RPTOR: variants seen among roughly 807,000 people sequenced by gnomAD.
RPTOR encodes the protein regulatory associated protein of MTOR complex 1.
A neutral mutation model predicts 169.9 loss-of-function variants in RPTOR; 21 were observed. The observed-to-expected ratio is 0.12, with a 90% CI of 0.09 to 0.18. The LOEUF is 0.18. RPTOR is among the 10% of genes least tolerant of loss of function. The probability of loss-of-function intolerance (pLI) is 1.00; values close to 1 mark genes in which losing one functional copy is unlikely to be tolerated. For synonymous variants in RPTOR, 732 were observed against 753.2 expected (o/e 0.97, Z 0.46); for missense variants, 1,133 against 1,855.9 (o/e 0.61, Z 7.16).
chr17:80,579,414 A>G (rs1035418333), intron 1 of RPTOR, among the ~76,000 whole-genome samples: 1 of 151,844 alleles, frequency 6.6e-6, no homozygotes, highest in Non-Finnish European at 1.5e-5. Context: ...CTGGTTTCGA[A>G]CTCCCGACCT....
intron 1 of RPTOR, among the ~76,000 whole-genome samples, chr17:80,547,332 G>A (rs1332760618): frequency 3.3e-5 from 5 of 152,074 alleles, no homozygotes; most frequent in Admixed American, 2.6e-4. Context: ...CTTTGTGGAG[G>A]GCAGTTTTTT....
At chr17:80,859,159 C>T (rs933084094) in intron 13 of RPTOR, among the ~76,000 whole-genome samples, 10 of 152,206 alleles carry the variant, frequency 6.6e-5, no homozygotes, top group Non-Finnish European at 1.2e-4. Flanking sequence ...GGCCTAGGAG[C>T]AGGGCTGGCC....
intron 3 of RPTOR, among the ~76,000 whole-genome samples, chr17:80,652,804 C>T (rs1024263114): frequency 6.6e-6 from 1 of 152,230 alleles, no homozygotes; most frequent in Non-Finnish European, 1.5e-5. Flanking sequence ...CCCTGAGGCA[C>T]TCCCAATCTA....
At chr17:80,724,937 A>G (rs1487336173) in intron 4 of RPTOR, among the ~76,000 whole-genome samples, 2 of 152,200 alleles carry the variant, frequency 1.3e-5, no homozygotes, top group African/African-American at 4.8e-5. Flanking sequence ...TCTTCCTGCC[A>G]TGCCTTGCCA....
At chr17:80,771,202 G>A (rs566282116) in intron 6 of RPTOR, among the ~76,000 whole-genome samples, 10 of 152,274 alleles carry the variant, frequency 6.6e-5, no homozygotes, top group East Asian at 1.9e-4. Flanking sequence ...GCACTTGGAC[G>A]TATGTTCTCC....
rs1598431303 is a variant in RPTOR at position 80,965,873 on chromosome 17, A to G, written c.*1543A>G. On this transcript the variant is annotated 3_prime_UTR_variant, in exon 34 of 34. Transcript: ENST00000306801. ...CCACCAGAAGAAGGTTCCGGCACGA[A>G]TCCCATCCCCACGTCTGGGCCGAGA... 3 of 233,254 alleles carry G rather than the reference A, an allele frequency of 1.3e-5. No homozygotes were observed. Among genetic ancestry groups the G allele is most frequent in the African/African-American group, 6.6e-5 (3 of 45,340 alleles). 14.4% of individuals were successfully genotyped at this position (233,254 alleles called of 1,614,324 possible).
intron 9 of RPTOR, among the ~76,000 whole-genome samples, chr17:80,834,074 T>C (rs1303138874): frequency 1.3e-5 from 2 of 152,192 alleles, no homozygotes; most frequent in African/African-American, 4.8e-5. Flanking sequence ...AATAAATAAA[T>C]AAATAAACCA....
intron 1 of RPTOR, among the ~76,000 whole-genome samples, chr17:80,614,275 C>T (rs888470952): frequency 2.0e-5 from 3 of 152,188 alleles, no homozygotes; most frequent in African/African-American, 7.2e-5. Context: ...GGGGGCCTGT[C>T]CTCAGTGTTT....
rs1346052816 is a variant in RPTOR, at chr17:80,919,280, C to A, written c.2521-3444C>A. On this transcript the variant is annotated intron_variant, in intron 21 of 33. Coordinates refer to ENST00000306801, the MANE Select transcript of RPTOR (RefSeq NM_020761.3). ...GCAGCACACGCTTTTGCAGGGGTTT[C>A]TTCTCCCCCACCAAGCAGCCAGCGG... Among the ~76,000 whole-genome samples, 11 of 152,286 alleles carry A rather than the reference C, an allele frequency of 7.2e-5. No individual in the cohort carries two copies. In the South Asian group the frequency reaches 1.9e-3, roughly 26 times the overall value.
At chr17:80,703,030 C>A (rs1411956544) in intron 3 of RPTOR, among the ~76,000 whole-genome samples, 1 of 152,198 alleles carries the variant, frequency 6.6e-6, no homozygotes, top group Non-Finnish European at 1.5e-5. Context: ...GAACCCAGCC[C>A]CTGCAGATCG....
intron 2 of RPTOR, among the ~76,000 whole-genome samples, chr17:80,634,837 C>G (rs1027508983): frequency 1.6e-5 from 2 of 125,976 alleles, no homozygotes; most frequent in African/African-American, 3.2e-5. Context: ...TGTGTGTGTG[C>G]ATACCGTGTG....
chr17:80,782,044 G>A (rs537752981), intron 6 of RPTOR, among the ~76,000 whole-genome samples: 22 of 152,226 alleles, frequency 1.4e-4, no homozygotes, highest in African/African-American at 5.3e-4. Context: ...TGATCTGCGC[G>A]AGGCGGCCCT....
intron 10 of RPTOR, among the ~76,000 whole-genome samples, chr17:80,839,119 T>G (rs1256537308): frequency 6.6e-6 from 1 of 152,148 alleles, no homozygotes; most frequent in Non-Finnish European, 1.5e-5. Context: ...ACACATGCAG[T>G]CGGGAGCCTG....
chr17:80,808,159 G>A (rs1392738161), intron 7 of RPTOR, among the ~76,000 whole-genome samples: 3 of 151,848 alleles, frequency 2.0e-5, no homozygotes, highest in Non-Finnish European at 4.4e-5. Flanking sequence ...GCATGATGGT[G>A]TGCACCTGTA....
chr17:80,758,594 TAGAA>T (rs1300111177), intron 6 of RPTOR, among the ~76,000 whole-genome samples: 3 of 152,106 alleles, frequency 2.0e-5, no homozygotes, highest in Admixed American at 6.5e-5. Context: ...GGCAGAAAGA[TAGAA>T]AATCACCCAG....
chr17:80,577,094 C>T (rs967580474), intron 1 of RPTOR, among the ~76,000 whole-genome samples: 12 of 150,914 alleles, frequency 8.0e-5, no homozygotes, highest in Non-Finnish European at 1.6e-4. Context: ...TGCAGTGGCA[C>T]GATCTCAGCT....
intron 2 of RPTOR, among the ~76,000 whole-genome samples, chr17:80,643,448 C>T (rs1428414922): frequency 2.0e-5 from 3 of 152,158 alleles, no homozygotes; most frequent in Non-Finnish European, 4.4e-5. Context: ...AGTGCAAGTG[C>T]GGGAAAGCTG....
At chr17:80,819,768 T>C (rs2067360407) in intron 7 of RPTOR, among the ~76,000 whole-genome samples, 1 of 152,244 alleles carries the variant, frequency 6.6e-6, no homozygotes, top group South Asian at 2.1e-4. Flanking sequence ...AAAGACCAGC[T>C]GTGTAACGTA....
At chr17:80,655,950 G>A (rs1304360304) in intron 3 of RPTOR, among the ~76,000 whole-genome samples, 1 of 152,116 alleles carries the variant, frequency 6.6e-6, no homozygotes, top group Non-Finnish European at 1.5e-5. Flanking sequence ...AGATGCCTTA[G>A]AGTGAACACG....
Sources: allele counts gnomAD v4.1 joint callset (sites outside exome capture counted in the v4.1 genomes callset), GRCh38; gene constraint gnomAD v4.1.1; transcripts MANE v1.5; gene names NCBI Gene and HGNC (gene_info 2026-07-23, HGNC 2026-07-21).